The following RPH3AL variants were observed in gnomAD, a reference collection of about 807,000 sequenced individuals.
RPH3AL encodes the protein rab effector Noc2.
A neutral mutation model predicts 43.1 loss-of-function variants in RPH3AL; 38 were observed. The ratio of observed to expected loss-of-function variants is 0.88; its 90% CI spans 0.68 to 1.15. The LOEUF (loss-of-function observed/expected upper bound fraction) is 1.15. Among genes scored for constraint, RPH3AL ranks in the 50% most tolerant of loss-of-function variants. The probability of loss-of-function intolerance (pLI) is 0.00; values close to 1 mark genes in which losing one functional copy is unlikely to be tolerated. For missense variants in RPH3AL, 462 were observed against 423.2 expected, an observed-to-expected ratio of 1.09 and a Z score of -0.81; for synonymous variants, 189 against 176.3, an observed-to-expected ratio of 1.07 and a Z score of -0.57.
intron 7 of RPH3AL, among the ~76,000 whole-genome samples, chr17:235,895 GGA>G (rs2041377098): frequency 7.0e-6 from 1 of 143,046 alleles, no homozygotes; most frequent in African/African-American, 2.6e-5. Context: ...GTAACAAGAG[GGA>G]TACAGGGTTC....
At position 273,371 on chromosome 17, in the gene RPH3AL, G is replaced by A. The variant is rs370431576; in HGVS notation, c.438+8397C>T. On this transcript the variant is annotated intron_variant, in intron 6 of 9. Transcript: ENST00000331302. ...GGTGACGTCAGGGAGAGACCCCAGC[G>A]AGGGTGACGTCAGGGAGAGACCCCA... Among the ~76,000 whole-genome samples, 62 of 22,894 alleles carry A rather than the reference G, an allele frequency of 2.7e-3. 1 individual carries two copies. Among genetic ancestry groups the A allele is most frequent in the African/African-American group, 6.1e-3 (54 of 8,896 alleles). 15.0% of individuals were successfully genotyped at this position (22,894 alleles called of 152,430 possible).
intron 7 of RPH3AL, among the ~76,000 whole-genome samples, chr17:237,739 A>T (rs2041432696): frequency 6.6e-6 from 1 of 152,246 alleles, no homozygotes; most frequent in Non-Finnish European, 1.5e-5. Flanking sequence ...GCCGAGGTCC[A>T]CATGGTAAAA....
chr17:226,204 T>C (rs2041103681), intron 7 of RPH3AL, among the ~76,000 whole-genome samples: 2 of 152,220 alleles, frequency 1.3e-5, no homozygotes, highest in Non-Finnish European at 2.9e-5. Context: ...TCTCCATTTA[T>C]AGACCCCAAA....
chr17:238,010 G>A (rs1185862425), intron 7 of RPH3AL, among the ~76,000 whole-genome samples: 8 of 152,050 alleles, frequency 5.3e-5, no homozygotes, highest in South Asian at 2.1e-4. Flanking sequence ...TAGCAGGTGC[G>A]GTGGTACATG....
At chr17:275,549 C>A (rs998840566) in intron 6 of RPH3AL, among the ~76,000 whole-genome samples, 3 of 152,124 alleles carry the variant, frequency 2.0e-5, no homozygotes, top group African/African-American at 7.2e-5. Flanking sequence ...CTTCAAACTG[C>A]ACACAAGTGT....
intron 6 of RPH3AL, chr17:247,492 T>G: frequency 5.8e-6 from 3 of 521,328 alleles, no homozygotes; most frequent in East Asian, 3.2e-5. Context: ...CTTCTTTCTC[T>G]CCCTTATTTT....
chr17:223,525 G>A (rs894973167), intron 7 of RPH3AL, among the ~76,000 whole-genome samples: 8 of 152,176 alleles, frequency 5.3e-5, no homozygotes, highest in Non-Finnish European at 5.9e-5. Flanking sequence ...ACCCTGAGCC[G>A]CTGGTGAGAG....
intron 5 of RPH3AL, among the ~76,000 whole-genome samples, chr17:305,676 C>T (rs949890884): frequency 3.9e-5 from 6 of 152,090 alleles, no homozygotes; most frequent in Admixed American, 2.0e-4. Flanking sequence ...GACAGCTTCC[C>T]GGCCACTCTC....
chr17:263,663 G>A (rs1253239859), intron 6 of RPH3AL, among the ~76,000 whole-genome samples: 1 of 152,250 alleles, frequency 6.6e-6, no homozygotes, highest in Non-Finnish European at 1.5e-5. Context: ...ACAGTCTGTG[G>A]CTGGCACACT....
Position 215,609 on chromosome 17 carries a change from G to A in RPH3AL, c.876+45C>T. 8.0e-7 allele frequency: 1 copy of A among 1,255,456 alleles called. No homozygotes were observed. The allele number at this position is 1,255,456 out of a possible 1,614,324, so 77.8% of individuals were successfully genotyped here. A position where few individuals can be genotyped will look rare whatever the true frequency, so the allele number is the denominator to read the frequency against. Reference sequence around the variant, plus strand: ...GGAGGAGTGAGTGAGAGAGGACACGGCCGCGGGGGCAGGAGAGGGGAGAAG... The same window carrying A: ...GGAGGAGTGAGTGAGAGAGGACACGACCGCGGGGGCAGGAGAGGGGAGAAG... On this transcript the variant is annotated intron_variant, in intron 9 of 9. Coordinates refer to ENST00000331302, the MANE Select transcript of RPH3AL (RefSeq NM_006987.4). The surrounding 1 kb of genome is among the most constrained non-coding windows in gnomAD (Gnocchi z 4.1).
At chr17:273,135 A>T (rs796313840) in intron 6 of RPH3AL, among the ~76,000 whole-genome samples, 820 of 33,018 alleles carry the variant, frequency 0.025, 136 homozygotes, top group East Asian at 0.086. Context: ...GACGTCAGGG[A>T]GAGACCCCAG....
intron 6 of RPH3AL, among the ~76,000 whole-genome samples, chr17:272,406 C>G (rs1052477310): frequency 6.6e-6 from 1 of 151,828 alleles, no homozygotes; most frequent in African/African-American, 2.4e-5. Context: ...ACATATACAC[C>G]ATGGAGTACT....
At chr17:295,032 G>C (rs1270732835) in intron 5 of RPH3AL, among the ~76,000 whole-genome samples, 39 of 128,986 alleles carry the variant, frequency 3.0e-4, no homozygotes, top group African/African-American at 8.7e-4. Flanking sequence ...GGGAGGGACA[G>C]AGATGCTGCA....
chr17:322,910 C>T lies in RPH3AL; in HGVS notation c.78-1495G>A, dbSNP rs1046724097. ...ACTGGACAGTCTTATCTTCTGGTCC[C>T]GTCCCTTCCCAGATGCGAGACCTCG... is the stretch of plus-strand genomic sequence containing the variant. On this transcript the variant is annotated intron_variant, in intron 3 of 9. Transcript: ENST00000331302. The surrounding 1 kb of genome is among the most constrained non-coding windows in gnomAD (Gnocchi z 4.0). Among the ~76,000 whole-genome samples the T allele has an allele frequency of 5.3e-5, 8 of 152,062 alleles. No individual in the cohort carries two copies. The highest frequency in any genetic ancestry group is 8.8e-5 in the Non-Finnish European group (6 of 68,028).
At chr17:225,000 A>C in intron 7 of RPH3AL, among the ~76,000 whole-genome samples, 1 of 151,518 alleles carries the variant, frequency 6.6e-6, no homozygotes. Flanking sequence ...GCGTTAGGAG[A>C]TATACCTAAT....
intron 5 of RPH3AL, among the ~76,000 whole-genome samples, chr17:293,348 CATA>C (rs1238914765): frequency 6.6e-6 from 1 of 152,198 alleles, no homozygotes; most frequent in Non-Finnish European, 1.5e-5. Context: ...TCACAGAGCA[CATA>C]ATAAGAAATC....
In RPH3AL at chr17:217,207, C is replaced by A. The variant is rs573064078; in HGVS notation, c.728-1405G>T. Among the ~76,000 whole-genome samples the A allele has an allele frequency of 1.5e-4, 21 of 143,060 alleles. No individual in the cohort carries two copies. In the South Asian group the frequency reaches 4.8e-3, roughly 33 times the overall value. 93.9% of individuals were successfully genotyped at this position (143,060 alleles called of 152,430 possible). A position where few individuals can be genotyped will look rare whatever the true frequency, so the allele number is the denominator to read the frequency against. The stretch of plus-strand genomic sequence containing the variant: ...AAAATTGGCCTCACTGAAATCAGGA[C>A]CCCCAAGGCATTTCGTTCCCATCTG... On this transcript the variant is annotated intron_variant, in intron 8 of 9. Transcript: ENST00000331302.
intron 5 of RPH3AL, among the ~76,000 whole-genome samples, chr17:301,073 C>T (rs548503110): frequency 6.6e-6 from 1 of 152,284 alleles, no homozygotes; most frequent in African/African-American, 2.4e-5. Flanking sequence ...CTCAGGCCCA[C>T]TCTGTAGGGG....
chr17:281,006 C>A (rs564771206), intron 6 of RPH3AL, among the ~76,000 whole-genome samples: 10 of 152,318 alleles, frequency 6.6e-5, no homozygotes, highest in Admixed American at 2.0e-4. Flanking sequence ...CTGTCCCAGC[C>A]CTGCCTCCCC....
Sources: gnomAD v4.1 joint callset for allele counts (sites outside exome capture counted in the v4.1 genomes callset) on GRCh38, gnomAD v4.1.1 for gene constraint, Gnocchi (gnomAD v3.1) non-coding constraint, MANE v1.5 for transcripts, NCBI Gene and HGNC (gene_info 2026-07-23, HGNC 2026-07-21) for gene names.